TERB1: variants seen among roughly 807,000 people sequenced by gnomAD.
The protein encoded by TERB1 is telomere repeat binding bouquet formation protein 1, also known as telomere repeats-binding bouquet formation protein 1.
A neutral mutation model predicts 92.3 loss-of-function variants in TERB1; 63 were observed. That is an observed-to-expected ratio of 0.68 (90% confidence interval 0.56 to 0.84). TERB1 has a LOEUF of 0.84. Among genes scored for constraint, TERB1 ranks in the 40% least tolerant of loss-of-function variants. TERB1 has a pLI of 0.00. For synonymous variants in TERB1, 252 were observed against 283.9 expected, an observed-to-expected ratio of 0.89 and a Z score of 1.13; for missense variants, 709 against 843.7, an observed-to-expected ratio of 0.84 and a Z score of 1.98.
At chr16:66,782,863 T>A (rs2018659972) in intron 9 of TERB1, among the ~76,000 whole-genome samples, 1 of 152,050 alleles carries the variant, frequency 6.6e-6, no homozygotes, top group Non-Finnish European at 1.5e-5. Context: ...TTTGTTACTC[T>A]GTGTGTGTGT....
Position 66,778,907 on chromosome 16 carries a change from G to C in TERB1, c.809C>G (p.Ala270Gly). ...ATCCACAGTCTTCGTCACAACCACT[G>C]CAAGTTTAGCACTGGAAAGAGTCTC... ...SHETLSSAKL[A>G]VVVTKTVDAC... Residue 270 changes from alanine to glycine, a missense_variant, in exon 10 of 19, where the codon GCA becomes GGA. By Grantham distance (60) the Ala-to-Gly change is moderately conservative. Coordinates refer to ENST00000433154, the MANE Select transcript of TERB1 (RefSeq NM_001136505.2). 6.5e-7 allele frequency: 1 copy of C among 1,527,228 alleles called. No individual in the cohort carries two copies. The highest frequency in any genetic ancestry group is 8.9e-7 in the Non-Finnish European group (1 of 1,127,916). 94.6% of individuals were successfully genotyped at this position (1,527,228 alleles called of 1,614,324 possible).
chr16:66,788,804 T>A (rs1230255111), intron 5 of TERB1, among the ~76,000 whole-genome samples: 1 of 151,824 alleles, frequency 6.6e-6, no homozygotes, highest in Non-Finnish European at 1.5e-5. Context: ...TTTACAAAAA[T>A]AATATAGACA....
chr16:66,765,109 A>C (rs182500770), intron 16 of TERB1, among the ~76,000 whole-genome samples: 6 of 152,358 alleles, frequency 3.9e-5, no homozygotes, highest in Admixed American at 2.6e-4. Context: ...AGTTCTATTC[A>C]TCTTCGATTC....
chr16:66,784,173 G>A (rs1243497572), intron 9 of TERB1, among the ~76,000 whole-genome samples: 2 of 152,118 alleles, frequency 1.3e-5, no homozygotes, highest in African/African-American at 4.8e-5. Context: ...CTGGCTAGAG[G>A]ATCACTTTTA....
At chr16:66,782,418 C>T (rs2018651948) in intron 9 of TERB1, among the ~76,000 whole-genome samples, 1 of 151,962 alleles carries the variant, frequency 6.6e-6, no homozygotes, top group Admixed American at 6.6e-5. Context: ...GGCTTGGTGG[C>T]GGGCACCCGT....
chr16:66,757,549 C>G (rs111723623), intron 18 of TERB1, among the ~76,000 whole-genome samples: 86 of 152,288 alleles, frequency 5.6e-4, no homozygotes, highest in African/African-American at 2.0e-3. Flanking sequence ...GTGGGCTCAT[C>G]TGTAGTGGTA....
At chr16:66,761,338 G>C (rs1336728749) in intron 16 of TERB1, among the ~76,000 whole-genome samples, 3 of 150,756 alleles carry the variant, frequency 2.0e-5, no homozygotes, top group African/African-American at 7.3e-5. Context: ...TGTAATCCCA[G>C]CTACTTGGGA....
intron 11 of TERB1, among the ~76,000 whole-genome samples, chr16:66,776,187 G>T (rs1466563210): frequency 6.6e-6 from 1 of 151,816 alleles, no homozygotes; most frequent in African/African-American, 2.4e-5. Flanking sequence ...TAATTAGCTG[G>T]CCCTGGTGGC....
rs1159359296 is a variant in TERB1, at chr16:66,758,821, G to A, written c.1948C>T (p.Arg650Cys). The A allele has an allele frequency of 1.4e-5, 21 of 1,534,550 alleles. No individual in the cohort carries two copies. The highest frequency in any genetic ancestry group is 1.7e-4 in the Middle Eastern group (1 of 5,978). Reference sequence around the variant, plus strand: ...TCATTACTGAGTCGTTGTCTTCTACGTGGGGTCAGCAGAATTTCTGAAAAA... The same window carrying A: ...TCATTACTGAGTCGTTGTCTTCTACATGGGGTCAGCAGAATTTCTGAAAAA... ...ICNKKILLTPRRRQRLSNEST... is the reference protein window; with the variant it reads ...ICNKKILLTPCRRQRLSNEST... The change falls in exon 18 of 19, where the codon CGT becomes TGT. Residue 650 changes from arginine to cysteine, a missense_variant. Transcript: ENST00000433154.
At chr16:66,769,061 T>C (rs2018398418) in intron 14 of TERB1, among the ~76,000 whole-genome samples, 1 of 150,160 alleles carries the variant, frequency 6.7e-6, no homozygotes, top group Non-Finnish European at 1.5e-5. Flanking sequence ...GCCGAGATCA[T>C]GCCATTGCAC....
intron 13 of TERB1, among the ~76,000 whole-genome samples, chr16:66,771,225 C>T (rs976683330): frequency 7.2e-5 from 11 of 152,092 alleles, no homozygotes; most frequent in African/African-American, 2.7e-4. Context: ...TGTTTCATCC[C>T]ACTTAAGATA....
Position 66,770,322 on chromosome 16 carries a change from A to C in TERB1, c.1273-13T>G, listed in dbSNP as rs750183307. 4.3e-5 allele frequency: 62 copies of C among 1,437,484 alleles called. No homozygotes were observed. Among genetic ancestry groups the C allele is most frequent in the Non-Finnish European group, 5.6e-5 (60 of 1,062,946 alleles). 89.0% of individuals were successfully genotyped at this position (1,437,484 alleles called of 1,614,324 possible). A position where few individuals can be genotyped will look rare whatever the true frequency, so the allele number is the denominator to read the frequency against. Reference sequence around the variant, plus strand: ...TTTGTATTTCTTCCTATAGTGTAAAAATGACAAATAATTTCAATATAATCC... The same window carrying C: ...TTTGTATTTCTTCCTATAGTGTAAACATGACAAATAATTTCAATATAATCC... On this transcript the variant is annotated splice_polypyrimidine_tract_variant and intron_variant, in intron 13 of 18. Coordinates refer to ENST00000433154, the MANE Select transcript of TERB1 (RefSeq NM_001136505.2).
At chr16:66,780,295 A>G (rs2018614455) in intron 9 of TERB1, among the ~76,000 whole-genome samples, 1 of 152,226 alleles carries the variant, frequency 6.6e-6, no homozygotes, top group Admixed American at 6.5e-5. Flanking sequence ...GTAGTAGCTC[A>G]TGTCTGTAAT....
chr16:66,784,341 T>G (rs953379620), intron 9 of TERB1, among the ~76,000 whole-genome samples: 2 of 151,432 alleles, frequency 1.3e-5, no homozygotes, highest in Non-Finnish European at 2.9e-5. Context: ...TTTTTTGTGT[T>G]TTTTTTTTGA....
At chr16:66,791,935 T>G (rs1440736171) in intron 3 of TERB1, among the ~76,000 whole-genome samples, 1 of 152,168 alleles carries the variant, frequency 6.6e-6, no homozygotes, top group Non-Finnish European at 1.5e-5. Flanking sequence ...TCCCAACTTA[T>G]TCTATGAGGC....
chr16:66,799,528 T>C (rs1959223089), intron 2 of TERB1, among the ~76,000 whole-genome samples: 1 of 151,942 alleles, frequency 6.6e-6, no homozygotes, highest in African/African-American at 2.4e-5. Context: ...GTGCCTGGCC[T>C]AAGAGGGGTA....
intron 16 of TERB1, among the ~76,000 whole-genome samples, chr16:66,765,503 G>A (rs1307860295): frequency 1.3e-5 from 2 of 151,486 alleles, no homozygotes; most frequent in Non-Finnish European, 2.9e-5. Flanking sequence ...TGTCACCAAG[G>A]CTGGAGTGCA....
At chr16:66,801,952 C>T (rs943581034), upstream of TERB1, among the ~76,000 whole-genome samples, 2 of 152,328 alleles carry the variant, frequency 1.3e-5, no homozygotes, top group Middle Eastern at 3.4e-3. Context: ...GGGCACCTCG[C>T]TAATCGTCAC....
At chr16:66,798,970 A>G (rs1398952209) in intron 2 of TERB1, among the ~76,000 whole-genome samples, 2 of 152,234 alleles carry the variant, frequency 1.3e-5, no homozygotes, top group African/African-American at 4.8e-5. Flanking sequence ...ATGGGAGCCA[A>G]GAAAATTTCA....
Sources: allele counts gnomAD v4.1 joint callset (sites outside exome capture counted in the v4.1 genomes callset), GRCh38; gene constraint gnomAD v4.1.1; transcripts MANE v1.5; gene names NCBI Gene and HGNC (gene_info 2026-07-23, HGNC 2026-07-21).